KTN1: variants seen among roughly 807,000 people sequenced by gnomAD.
KTN1 encodes the protein kinectin 1, also known as kinectin.
In KTN1, 130 loss-of-function variants were observed where a neutral mutation model predicts 222.5. The ratio of observed to expected loss-of-function variants is 0.58; its 90% CI spans 0.51 to 0.68. The LOEUF is 0.68. KTN1 is among the 30% of genes least tolerant of loss of function. KTN1 has a pLI of 0.00. For missense variants in KTN1, 1,508 were observed against 1,500.4 expected (o/e 1.01, Z -0.08); for synonymous variants, 512 against 496.3 (o/e 1.03, Z -0.42).
intron 1 of KTN1, among the ~76,000 whole-genome samples, chr14:55,606,765 T>G (rs974192697): frequency 2.0e-5 from 3 of 152,176 alleles, no homozygotes; most frequent in Non-Finnish European, 4.4e-5. Context: ...TGTTTCAATG[T>G]GCAATTTTAA....
intron 41 of KTN1, 129 bp from the exon 42 acceptor site, chr14:55,678,223 T>C: frequency 1.6e-6 from 1 of 608,010 alleles, no homozygotes; most frequent in Non-Finnish European, 2.9e-6. Flanking sequence ...CTATTTTCAT[T>C]TTGGAGGGAA....
chr14:55,603,016 A>G (rs950402279), intron 1 of KTN1, among the ~76,000 whole-genome samples: 9 of 152,210 alleles, frequency 5.9e-5, no homozygotes, highest in Admixed American at 5.9e-4. Context: ...GTGCTTTTAT[A>G]TTCTTCCTTT....
intron 10 of KTN1, 29 bp downstream of exon 10, chr14:55,636,565 T>C (rs753612292): frequency 3.9e-6 from 6 of 1,536,328 alleles, no homozygotes; most frequent in Non-Finnish European, 5.3e-6. Flanking sequence ...CATGTAAACT[T>C]TGTATATAAT....
chr14:55,675,794 A>G, intron 40 of KTN1, 41 bp from the exon 41 acceptor site: 2 of 1,310,246 alleles, frequency 1.5e-6, no homozygotes. Flanking sequence ...TCAAAGAATG[A>G]TGCAAATTAA....
intron 5 of KTN1, among the ~76,000 whole-genome samples, chr14:55,625,079 G>T (rs73289507): frequency 1.1e-3 from 170 of 152,286 alleles, no homozygotes; most frequent in African/African-American, 3.9e-3. Flanking sequence ...ACTTGAGAGT[G>T]TGGTTAAGAT....
chr14:55,678,725 G>A, intron 42 of KTN1: 1 of 340,446 alleles, frequency 2.9e-6, no homozygotes. Context: ...AGCAGGAGAT[G>A]AGTGGTGGGT....
At chr14:55,663,906 A>C (rs754360730) in intron 32 of KTN1, 49 bp from the exon 33 acceptor site, 1 of 1,441,062 alleles carries the variant, frequency 6.9e-7, no homozygotes, top group East Asian at 2.4e-5. Flanking sequence ...AAAAGCAAAA[A>C]TCTTTCAATA....
rs965517038 is a variant in KTN1, at chr14:55,627,254, C to T, written c.964-658C>T. 2.0e-5 allele frequency among the ~76,000 whole-genome samples: 3 copies of T among 152,018 alleles called. No homozygotes were observed. The East Asian group carries it at 5.8e-4, about 29-fold the overall frequency. On this transcript the variant is annotated intron_variant, in intron 5 of 43. Transcript: ENST00000395314. ...TGTAGTTCTTCGTAAAAATCTGTTCCTTGGTTGATATGTATCTAGTTGGAA... is the reference window on the plus strand; with the variant it reads ...TGTAGTTCTTCGTAAAAATCTGTTCTTTGGTTGATATGTATCTAGTTGGAA...
At chr14:55,622,086 A>G (rs1021340647) in intron 5 of KTN1, among the ~76,000 whole-genome samples, 9 of 152,076 alleles carry the variant, frequency 5.9e-5, no homozygotes, top group African/African-American at 2.2e-4. Flanking sequence ...TGACCTCATG[A>G]TCCGCCTGCC....
At chr14:55,657,702 G>A (rs1302559320) in intron 29 of KTN1, among the ~76,000 whole-genome samples, 1 of 152,094 alleles carries the variant, frequency 6.6e-6, no homozygotes, top group African/African-American at 2.4e-5. Flanking sequence ...CTTGAGGTCA[G>A]GGGTTCGAGA....
In KTN1 at chr14:55,649,780, CT is replaced by C; in HGVS notation, c.2376del (p.Phe792LeufsTer4). 1.3e-6 allele frequency: 2 copies of C among 1,513,468 alleles called. No homozygotes were observed. Among genetic ancestry groups the C allele is most frequent in the Non-Finnish European group, 9.1e-7 (1 of 1,101,492 alleles). The allele number at this position is 1,513,468 out of a possible 1,614,324, so 93.8% of individuals were successfully genotyped here. ...DLKAKQNDQV[S>X]FASLVEELKK... ...AGGATACTTTCCTATTTCCAGGTTT[CT>C]TTTGCCTCTCTAGTTGAAGAACTTA... On this transcript the variant is annotated frameshift_variant, in exon 22 of 44. Coordinates refer to ENST00000395314, the MANE Select transcript of KTN1 (RefSeq NM_001079521.2). LOFTEE classifies it high-confidence loss of function.
rs770539199 is a variant in KTN1 at position 55,670,721 on chromosome 14, G to A, written c.3268-8G>A. 5.6e-5 allele frequency: 86 copies of A among 1,546,266 alleles called. No homozygotes were observed. The highest frequency in any genetic ancestry group is 3.4e-4 in the Middle Eastern group (2 of 5,818). The stretch of plus-strand genomic sequence containing the variant: ...GAAATTAATGATTTTAACTTTTCTC[G>A]TCCACAGAGTTATGGTGAATGGTTG... On this transcript the variant is annotated splice_polypyrimidine_tract_variant and splice_region_variant and intron_variant, in intron 34 of 43. Coordinates refer to ENST00000395314, the MANE Select transcript of KTN1 (RefSeq NM_001079521.2).
intron 29 of KTN1, among the ~76,000 whole-genome samples, chr14:55,657,995 CTT>C (rs59076626): frequency 0.04 from 6,076 of 152,068 alleles, 294 homozygotes; most frequent in African/African-American, 0.12. Flanking sequence ...TTTAGTGTAA[CTT>C]ATTTCAGTAA....
chr14:55,679,443 T>G (rs1342563265), intron 42 of KTN1, 122 bp from the exon 43 acceptor site: 5 of 793,226 alleles, frequency 6.3e-6, no homozygotes, highest in Non-Finnish European at 9.9e-6. Flanking sequence ...TTGATTTTCA[T>G]GTCATTGTTC....
chr14:55,594,548 G>A (rs1347578431), intron 1 of KTN1, among the ~76,000 whole-genome samples: 1 of 114,578 alleles, frequency 8.7e-6, no homozygotes, highest in African/African-American at 3.3e-5. Context: ...ATCCATTGTT[G>A]TGTGAAATAT....
rs531596234 is a variant in KTN1 at position 55,607,879 on chromosome 14, A to G, written c.-30-4140A>G. 4.6e-5 allele frequency among the ~76,000 whole-genome samples: 7 copies of G among 152,292 alleles called. No homozygotes were observed. The South Asian group carries it at 1.2e-3, about 27-fold the overall frequency. On this transcript the variant is annotated intron_variant, in intron 1 of 43. Coordinates refer to ENST00000395314, the MANE Select transcript of KTN1 (RefSeq NM_001079521.2). Reference sequence around the variant, plus strand: ...CAATGTGGTCCAGCCTGAGCAGTGTATATATAGAGACCCCATTTCTTAAAT... The same window carrying G: ...CAATGTGGTCCAGCCTGAGCAGTGTGTATATAGAGACCCCATTTCTTAAAT...
chr14:55,642,299 A>G (rs1261149604), intron 18 of KTN1, among the ~76,000 whole-genome samples: 1 of 152,162 alleles, frequency 6.6e-6, no homozygotes, highest in Non-Finnish European at 1.5e-5. Context: ...CTAAACCTTA[A>G]TTCTTTTCCC....
At chr14:55,654,774 A>G (rs1445456152) in intron 28 of KTN1, among the ~76,000 whole-genome samples, 5 of 152,136 alleles carry the variant, frequency 3.3e-5, no homozygotes, top group Admixed American at 3.3e-4. Context: ...ATGTATAATG[A>G]CATGTATCTA....
At position 55,634,608 on chromosome 14, in the gene KTN1, C is replaced by T. The variant is rs1312611071; in HGVS notation, c.1411C>T (p.Gln471Ter). 1 of 1,613,656 alleles carries T rather than the reference C, an allele frequency of 6.2e-7. No homozygotes were observed. The highest frequency in any genetic ancestry group is 8.5e-7 in the Non-Finnish European group (1 of 1,179,698). ...GACTGAGAAAACAGGAAAGCTACAG[C>T]AAGAGGAAGTCCAAAAGAAGAATGC... Reference protein sequence around the residue: ...ELTEKTGKLQQEEVQKKNAEQ... With the variant: ...ELTEKTGKLQ The change falls in exon 9 of 44, where the codon CAA becomes TAA. Residue 471 changes from glutamine (Q) to a stop codon, truncating the protein, a stop_gained. Transcript: ENST00000395314. LOFTEE classifies it high-confidence loss of function.
Sources: gnomAD v4.1 joint callset for allele counts (sites outside exome capture counted in the v4.1 genomes callset) on GRCh38, gnomAD v4.1.1 for gene constraint, MANE v1.5 for transcripts, NCBI Gene and HGNC (gene_info 2026-07-23, HGNC 2026-07-21) for gene names.